Variants in TM9SF2 observed in about 807,000 individuals in gnomAD.
The protein encoded by TM9SF2 is 76 kDa membrane protein.
In TM9SF2, 13 loss-of-function variants were observed where a neutral mutation model predicts 84.9. The observed-to-expected ratio is 0.15, with a 90% confidence interval of 0.10 to 0.24. The LOEUF (loss-of-function observed/expected upper bound fraction) is 0.24, where lower values mean the gene tolerates loss of function less well. Ranked by LOEUF, TM9SF2 falls within the 10% of genes least tolerant of loss-of-function variation. TM9SF2 has a pLI of 1.00. For missense variants in TM9SF2, 562 were observed against 818.5 expected (o/e 0.69, Z 3.82); for synonymous variants, 273 against 285.8 (o/e 0.96, Z 0.45).
chr13:99,546,693 A>T (rs1482061462), intron 10 of TM9SF2, among the ~76,000 whole-genome samples: 1 of 152,146 alleles, frequency 6.6e-6, no homozygotes, highest in Non-Finnish European at 1.5e-5. Context: ...CAGAAGAGTC[A>T]AATGCACTCT....
chr13:99,512,527 G>GA (rs779459723), intron 1 of TM9SF2, among the ~76,000 whole-genome samples: 25 of 152,258 alleles, frequency 1.6e-4, no homozygotes, highest in South Asian at 4.1e-4. Flanking sequence ...ATGTAGATAA[G>GA]AAAATGAGGG....
At chr13:99,514,273 T>G (rs2046125107) in intron 1 of TM9SF2, 1 of 152,228 alleles carries the variant, frequency 6.6e-6, no homozygotes, top group Non-Finnish European at 1.5e-5. Context: ...CATTCACCGC[T>G]CACTCACCCA....
At chr13:99,522,647 C>G (rs1354367925) in intron 3 of TM9SF2, among the ~76,000 whole-genome samples, 7 of 152,180 alleles carry the variant, frequency 4.6e-5, no homozygotes, top group Admixed American at 2.6e-4. Context: ...ATGTCTTGCC[C>G]TTGAGAAATG....
intron 15 of TM9SF2, among the ~76,000 whole-genome samples, chr13:99,557,175 C>G (rs528970650): frequency 1.3e-5 from 2 of 152,164 alleles, no homozygotes; most frequent in Non-Finnish European, 2.9e-5. Context: ...TTCCAATTCT[C>G]CGTATCTTTG....
rs372856289 is a variant in TM9SF2, at chr13:99,517,628, A to G, written c.186A>G (p.Leu62=). 8 of 1,586,794 alleles carry G rather than the reference A, an allele frequency of 5.0e-6. No individual in the cohort carries two copies. Among genetic ancestry groups the G allele is most frequent in the Non-Finnish European group, 6.9e-6 (8 of 1,167,834 alleles). Residue 62 remains leucine (L), a synonymous_variant, in exon 2 of 17, where the codon CTA becomes CTG. Coordinates refer to ENST00000376387, the MANE Select transcript of TM9SF2 (RefSeq NM_004800.3). The part of the protein sequence containing the change: ...KSDECKAEIE[L]FVNRLDSVES... ...CTTATTTTCAGGCCGAAATAGAACT[A>G]TTTGTGAACAGACTTGATTCAGTGG...
intron 3 of TM9SF2, 122 bp from the exon 4 acceptor site, chr13:99,529,345 A>G: frequency 1.2e-6 from 1 of 807,430 alleles, no homozygotes; most frequent in Non-Finnish European, 1.7e-6. Flanking sequence ...AAATTTATTT[A>G]TTACCAATAT....
At chr13:99,556,828 C>T (rs1340901174) in intron 15 of TM9SF2, among the ~76,000 whole-genome samples, 1 of 152,052 alleles carries the variant, frequency 6.6e-6, no homozygotes, top group Non-Finnish European at 1.5e-5. Context: ...CCTCGTGATC[C>T]GCCTGCCTCG....
chr13:99,534,618 G>A (rs1264709696), intron 4 of TM9SF2, among the ~76,000 whole-genome samples: 1 of 152,246 alleles, frequency 6.6e-6, no homozygotes, highest in Admixed American at 6.5e-5. Flanking sequence ...GGAAAAACAA[G>A]TAGTTACTAA....
chr13:99,550,098 T>G (rs2046299696), intron 12 of TM9SF2, among the ~76,000 whole-genome samples: 1 of 152,210 alleles, frequency 6.6e-6, no homozygotes, highest in South Asian at 2.1e-4. Context: ...TCTCCGAATC[T>G]TGCTTTTCAG....
At chr13:99,534,324 A>G (rs7989480) in intron 4 of TM9SF2, among the ~76,000 whole-genome samples, 3,785 of 152,314 alleles carry the variant, frequency 0.025, 163 homozygotes, top group African/African-American at 0.086. Flanking sequence ...GCAAAGGAGA[A>G]TGATGTGCTG....
Position 99,555,999 on chromosome 13 carries a change from C to CA in TM9SF2, c.1752+360dup, listed in dbSNP as rs560075144. Among the ~76,000 whole-genome samples the CA allele has an allele frequency of 5.2e-3, 784 of 151,440 alleles. 12 individuals are homozygous for CA. Among genetic ancestry groups the CA allele is most frequent in the African/African-American group, 0.018 (736 of 41,366 alleles). ...ATATAAAATAATCTATTAAAAAATA[C>CA]AAAAAAAATTTTAGACTGAAAATTT... On this transcript the variant is annotated intron_variant, in intron 15 of 16. Coordinates refer to ENST00000376387, the MANE Select transcript of TM9SF2 (RefSeq NM_004800.3).
chr13:99,562,571 T>G, intron 16 of TM9SF2, 120 bp from the exon 17 acceptor site: 1 of 781,756 alleles, frequency 1.3e-6, no homozygotes, highest in Non-Finnish European at 2.0e-6. Flanking sequence ...ATATTCCCGG[T>G]GGGTAATAGT....
chr13:99,542,029 A>C lies in TM9SF2; in HGVS notation c.1017+362A>C, dbSNP rs1322968033. ...GCTGGGTGTGGTGGTGGGGACCTGT[A>C]GCCCCAGCTACCTCGGGAGGCTGAG... On this transcript the variant is annotated intron_variant, in intron 9 of 16. Transcript: ENST00000376387. 2.0e-5 allele frequency among the ~76,000 whole-genome samples: 3 copies of C among 152,008 alleles called. No homozygotes were observed. The East Asian group carries it at 5.8e-4, about 29-fold the overall frequency.
intron 2 of TM9SF2, among the ~76,000 whole-genome samples, chr13:99,519,109 C>G (rs1163623214): frequency 1.3e-5 from 2 of 152,120 alleles, no homozygotes; most frequent in East Asian, 3.8e-4. Context: ...ATTCATATAT[C>G]TAAGTATGTC....
At chr13:99,530,210 G>A (rs2046202411) in intron 4 of TM9SF2, among the ~76,000 whole-genome samples, 1 of 152,148 alleles carries the variant, frequency 6.6e-6, no homozygotes, top group African/African-American at 2.4e-5. Flanking sequence ...GGATCACGAG[G>A]TCAGGAGATC....
At chr13:99,559,011 A>G (rs1485285372) in intron 15 of TM9SF2, among the ~76,000 whole-genome samples, 12 of 152,234 alleles carry the variant, frequency 7.9e-5, no homozygotes. Context: ...TACAAGTAGT[A>G]TTAATGTCGA....
intron 3 of TM9SF2, among the ~76,000 whole-genome samples, chr13:99,522,194 T>C (rs1200378625): frequency 1.3e-5 from 2 of 152,256 alleles, no homozygotes; most frequent in East Asian, 3.9e-4. Flanking sequence ...CTAATTTTTG[T>C]ATTTTTCGTA....
rs556321592 is a variant in TM9SF2 at position 99,510,519 on chromosome 13, A to T, written c.172-7095A>T. 9.8e-5 allele frequency among the ~76,000 whole-genome samples: 15 copies of T among 152,322 alleles called. No homozygotes were observed. The East Asian group carries it at 2.7e-3, about 27-fold the overall frequency. ...ATCACTCTGCTTCTGGGGAGGCCTCAGGAAGCTTTTACTCATGGCAGGAGA... is the reference window on the plus strand; with the variant it reads ...ATCACTCTGCTTCTGGGGAGGCCTCTGGAAGCTTTTACTCATGGCAGGAGA... On this transcript the variant is annotated intron_variant, in intron 1 of 16. Coordinates refer to ENST00000376387, the MANE Select transcript of TM9SF2 (RefSeq NM_004800.3).
At chr13:99,534,970 T>C (rs1042220148) in intron 4 of TM9SF2, among the ~76,000 whole-genome samples, 29 of 152,162 alleles carry the variant, frequency 1.9e-4, no homozygotes, top group African/African-American at 7.0e-4. Context: ...GGCAACATAG[T>C]GAGACCCCAA....
Sources: allele counts gnomAD v4.1 joint callset (sites outside exome capture counted in the v4.1 genomes callset), GRCh38; gene constraint gnomAD v4.1.1; transcripts MANE v1.5; gene names NCBI Gene and HGNC (gene_info 2026-07-23, HGNC 2026-07-21).